The following RRP15 variants were observed in gnomAD, a reference collection of about 807,000 sequenced individuals.
RRP15 encodes the protein RRP15-like protein.
In RRP15, 18 loss-of-function variants were observed where a neutral mutation model predicts 27.1. The ratio of observed to expected loss-of-function variants is 0.66; its 90% confidence interval spans 0.46 to 0.98. RRP15 has a LOEUF of 0.98. RRP15 is among the 50% of genes least tolerant of loss of function. RRP15 has a pLI of 0.00. For synonymous variants in RRP15, 107 were observed against 109.4 expected (o/e 0.98, Z 0.14); for missense variants, 359 against 337.8 (o/e 1.06, Z -0.49).
At chr1:218,319,218 C>T (rs58256964) in intron 4 of RRP15, among the ~76,000 whole-genome samples, 5,114 of 152,020 alleles carry the variant, frequency 0.034, 265 homozygotes, top group African/African-American at 0.11. Context: ...GCGCCCGCCA[C>T]GACGCTTAGC....
At chr1:218,322,201 T>C (rs946792569) in intron 4 of RRP15, among the ~76,000 whole-genome samples, 7 of 152,214 alleles carry the variant, frequency 4.6e-5, no homozygotes, top group African/African-American at 1.7e-4. Context: ...CTCAGCTCTT[T>C]ATTAACTCTG....
intron 1 of RRP15, among the ~76,000 whole-genome samples, chr1:218,287,066 C>G (rs555460441): frequency 1.3e-5 from 2 of 151,306 alleles, no homozygotes; most frequent in Non-Finnish European, 2.9e-5. Flanking sequence ...CCCCCCAAAG[C>G]GATCCTCTTG....
rs1050713078 is a variant in RRP15, at chr1:218,305,121, A to G, written c.499A>G (p.Thr167Ala). 2 of 1,611,512 alleles carry G rather than the reference A, an allele frequency of 1.2e-6. No homozygotes were observed. Among genetic ancestry groups the G allele is most frequent in the Non-Finnish European group, 1.7e-6 (2 of 1,177,716 alleles). ...ETERNLQRIA[T>A]RGVVQLFNAV... ...AGAGAGAAATCTTCAGAGAATTGCAACAAGGTAAGGTAGTGTTTTTGCCCT... is the reference window on the plus strand; with the variant it reads ...AGAGAGAAATCTTCAGAGAATTGCAGCAAGGTAAGGTAGTGTTTTTGCCCT... The change falls in exon 3 of 5, where the codon ACA becomes GCA. Residue 167 changes from threonine to alanine, a missense_variant. Physicochemically the swap from Thr to Ala is moderately conservative, Grantham distance 58. Coordinates refer to ENST00000366932, the MANE Select transcript of RRP15 (RefSeq NM_016052.4).
chr1:218,304,868 C>G (rs1314847853), intron 2 of RRP15, among the ~76,000 whole-genome samples, 160 bp from the exon 3 acceptor site: 8 of 152,186 alleles, frequency 5.3e-5, no homozygotes, highest in African/African-American at 1.9e-4. Flanking sequence ...ACCACAGGCT[C>G]TCGAAGCTAA....
intron 4 of RRP15, among the ~76,000 whole-genome samples, chr1:218,326,675 C>T (rs1656277814): frequency 6.6e-6 from 1 of 152,170 alleles, no homozygotes; most frequent in Admixed American, 6.5e-5. Context: ...GGTCTGCGTA[C>T]CAGCATTTTG....
Position 218,332,802 on chromosome 1 carries a change from C to T in RRP15, c.*1711C>T, listed in dbSNP as rs543740106. ...ATACCTCAGTAGTAATACAGGAGAA[C>T]TAAATATCCTGCTATAACTTAATAC... On this transcript the variant is annotated 3_prime_UTR_variant, in exon 5 of 5. Transcript: ENST00000366932. 85 of 148,376 alleles carry T rather than the reference C, an allele frequency of 5.7e-4. No homozygotes were observed. Among genetic ancestry groups the T allele is most frequent in the Non-Finnish European group, 7.7e-4 (52 of 67,420 alleles). 9.2% of individuals were successfully genotyped at this position (148,376 alleles called of 1,614,324 possible).
intron 4 of RRP15, among the ~76,000 whole-genome samples, chr1:218,316,765 T>C (rs1656095515): frequency 6.6e-6 from 1 of 152,228 alleles, no homozygotes; most frequent in Non-Finnish European, 1.5e-5. Flanking sequence ...GTTCCCTATA[T>C]TGGTGCTTAT....
intron 4 of RRP15, among the ~76,000 whole-genome samples, chr1:218,308,017 C>T (rs1571800352): frequency 6.8e-6 from 1 of 147,750 alleles, no homozygotes; most frequent in South Asian, 2.2e-4. Context: ...TGACCTTTGG[C>T]ATGAGAACTT....
chr1:218,288,479 C>G (rs1439954314), intron 1 of RRP15, among the ~76,000 whole-genome samples: 2 of 152,264 alleles, frequency 1.3e-5, no homozygotes, highest in East Asian at 1.9e-4. Flanking sequence ...TCTGACAACT[C>G]TATGAGATAG....
intron 4 of RRP15, among the ~76,000 whole-genome samples, chr1:218,314,013 T>C (rs1656041745): frequency 6.6e-6 from 1 of 151,342 alleles, no homozygotes. Context: ...TTTTATTTTA[T>C]GTTTTGTTAT....
chr1:218,330,878 A>T (rs1656354542), intron 4 of RRP15, 70 bp from the exon 5 acceptor site: 2 of 1,414,660 alleles, frequency 1.4e-6, no homozygotes, highest in Non-Finnish European at 2.0e-6. Flanking sequence ...TTTGTTTTGT[A>T]GCTTGTACCT....
At chr1:218,330,549 C>T (rs774978557) in intron 4 of RRP15, among the ~76,000 whole-genome samples, 23 of 152,022 alleles carry the variant, frequency 1.5e-4, no homozygotes, top group Non-Finnish European at 2.8e-4. Flanking sequence ...TTGTCAGTTG[C>T]GGTGAAATAA....
intron 1 of RRP15, among the ~76,000 whole-genome samples, chr1:218,296,300 C>G (rs1291011969): frequency 1.3e-5 from 2 of 152,200 alleles, no homozygotes; most frequent in South Asian, 2.1e-4. Flanking sequence ...ATGTTTTTAA[C>G]TTTTCTAAGC....
intron 1 of RRP15, among the ~76,000 whole-genome samples, chr1:218,296,206 A>G (rs1057251719): frequency 3.7e-4 from 56 of 152,260 alleles, no homozygotes; most frequent in Admixed American, 1.1e-3. Context: ...AGTACACATT[A>G]GTCCAAATTG....
rs1293345220 is a variant in RRP15, at chr1:218,305,011, CAA to C, written c.406-16_406-15del. 6.3e-7 allele frequency: 1 copy of C among 1,595,088 alleles called. No individual in the cohort carries two copies. The highest frequency in any genetic ancestry group is 8.6e-7 in the Non-Finnish European group (1 of 1,163,614). The stretch of plus-strand genomic sequence containing the variant: ...AAATATCTAATATTCTTTCACATAA[CAA>C]TATTTATAACGCAGCGTGATAAGAG... On this transcript the variant is annotated splice_polypyrimidine_tract_variant and intron_variant, in intron 2 of 4. Coordinates refer to ENST00000366932, the MANE Select transcript of RRP15 (RefSeq NM_016052.4).
At chr1:218,302,252 G>C (rs768419609) in intron 1 of RRP15, 42 bp from the exon 2 acceptor site, 1 of 1,531,604 alleles carries the variant, frequency 6.5e-7, no homozygotes, top group South Asian at 1.2e-5. Flanking sequence ...CCTCTGCCTA[G>C]GATATTAAAG....
At chr1:218,325,020 A>G (rs1656249786) in intron 4 of RRP15, among the ~76,000 whole-genome samples, 1 of 152,116 alleles carries the variant, frequency 6.6e-6, no homozygotes. Flanking sequence ...TCTGGGACTT[A>G]AATTTTCTTT....
At chr1:218,310,632 C>CCCTT (rs34970729) in intron 4 of RRP15, among the ~76,000 whole-genome samples, 2 of 151,732 alleles carry the variant, frequency 1.3e-5, no homozygotes, top group Admixed American at 1.3e-4. Context: ...TTTTAAAGAA[C>CCCTT]TTTTTTAAAA....
chr1:218,303,790 C>T (rs891868219), intron 2 of RRP15, among the ~76,000 whole-genome samples: 7 of 151,878 alleles, frequency 4.6e-5, no homozygotes, highest in African/African-American at 1.5e-4. Context: ...GCTACAAATG[C>T]TCTTTGTGTG....
Sources: gnomAD v4.1 joint callset for allele counts (sites outside exome capture counted in the v4.1 genomes callset) on GRCh38, gnomAD v4.1.1 for gene constraint, MANE v1.5 for transcripts, NCBI Gene and HGNC (gene_info 2026-07-23, HGNC 2026-07-21) for gene names.